The following INPP4B variants were observed in gnomAD, a reference collection of about 807,000 sequenced individuals.
The protein encoded by INPP4B is inositol polyphosphate 4-phosphatase type II.
INPP4B carries 55 observed loss-of-function variants against 122.5 expected under a neutral mutation model. The observed-to-expected ratio is 0.45, with a 90% confidence interval of 0.36 to 0.56. The LOEUF (loss-of-function observed/expected upper bound fraction) is 0.56, where lower values mean the gene tolerates loss of function less well. INPP4B is among the 20% of genes least tolerant of loss of function. The probability of loss-of-function intolerance (pLI) is 0.00; values close to 1 mark genes in which losing one functional copy is unlikely to be tolerated. For synonymous variants in INPP4B, 403 were observed against 388.7 expected (o/e 1.04, Z -0.43); for missense variants, 1,000 against 1,097.7 (o/e 0.91, Z 1.26).
At chr4:142,095,802 T>C (rs1781556701) in intron 23 of INPP4B, among the ~76,000 whole-genome samples, 1 of 152,188 alleles carries the variant, frequency 6.6e-6, no homozygotes, top group Non-Finnish European at 1.5e-5. Context: ...CACGATCAAA[T>C]TTAACTAGAT....
At chr4:142,347,439 G>A in intron 7 of INPP4B, 1 of 416,092 alleles carries the variant, frequency 2.4e-6, no homozygotes, top group Non-Finnish European at 4.7e-6. Flanking sequence ...AGCACTTGAA[G>A]TATTGCATCA....
At chr4:142,777,567 G>A (rs746143950) in intron 1 of INPP4B, among the ~76,000 whole-genome samples, 11 of 152,152 alleles carry the variant, frequency 7.2e-5, no homozygotes, top group Non-Finnish European at 1.0e-4. Flanking sequence ...GGTAGGCCAC[G>A]CCCAACCTCC....
intron 5 of INPP4B, among the ~76,000 whole-genome samples, chr4:142,420,897 G>C (rs1273339049): frequency 6.6e-6 from 1 of 152,148 alleles, no homozygotes; most frequent in African/African-American, 2.4e-5. Context: ...GAAGTTTTGA[G>C]TGTGATAAAG....
chr4:142,145,771 C>G, intron 18 of INPP4B, 69 bp downstream of exon 18: 3 of 1,452,530 alleles, frequency 2.1e-6, no homozygotes, highest in Non-Finnish European at 2.9e-6. Flanking sequence ...TCTTCTATAT[C>G]ATTTTTTTTT....
chr4:142,691,363 A>T (rs766844500), intron 2 of INPP4B, among the ~76,000 whole-genome samples: 8 of 151,502 alleles, frequency 5.3e-5, no homozygotes, highest in African/African-American at 1.2e-4. Context: ...GCTTATCAGG[A>T]CCCACACAAT....
At chr4:142,736,793 T>G (rs979259131) in intron 1 of INPP4B, among the ~76,000 whole-genome samples, 1 of 152,160 alleles carries the variant, frequency 6.6e-6, no homozygotes, top group African/African-American at 2.4e-5. Flanking sequence ...CCTTTATTTC[T>G]TTCTCCTGCC....
chr4:142,538,478 C>T (rs1462548912), intron 2 of INPP4B, among the ~76,000 whole-genome samples: 1 of 152,082 alleles, frequency 6.6e-6, no homozygotes, highest in East Asian at 1.9e-4. Flanking sequence ...AACCTTTATA[C>T]TTCAACCATA....
intron 1 of INPP4B, among the ~76,000 whole-genome samples, chr4:142,749,910 A>C (rs1328708254): frequency 6.6e-6 from 1 of 152,050 alleles, no homozygotes; most frequent in Non-Finnish European, 1.5e-5. Context: ...TCAGAGCCAC[A>C]CAATAATAGA....
intron 2 of INPP4B, among the ~76,000 whole-genome samples, chr4:142,606,304 TTAGA>T (rs1188810149): frequency 6.6e-6 from 1 of 151,904 alleles, no homozygotes; most frequent in East Asian, 1.9e-4. Flanking sequence ...AAACATACAG[TTAGA>T]TAGAAGAAAT....
chr4:142,487,931 A>G (rs1040016879), intron 2 of INPP4B, among the ~76,000 whole-genome samples: 1 of 151,870 alleles, frequency 6.6e-6, no homozygotes, highest in Non-Finnish European at 1.5e-5. Context: ...ATCTTTTTGC[A>G]TTGATTAGGA....
At chr4:142,644,841 G>A (rs1176314131) in intron 2 of INPP4B, among the ~76,000 whole-genome samples, 2 of 138,012 alleles carry the variant, frequency 1.4e-5, no homozygotes, top group African/African-American at 5.4e-5. Flanking sequence ...TGGTGGAAGA[G>A]CTTGCAGTGA....
chr4:142,319,287 A>G lies in INPP4B; in HGVS notation c.373-4525T>C, dbSNP rs986603888. Among the ~76,000 whole-genome samples, 12 of 152,158 alleles carry G rather than the reference A, an allele frequency of 7.9e-5. No homozygotes were observed. In the South Asian group the frequency reaches 2.5e-3, roughly 32 times the overall value. On this transcript the variant is annotated intron_variant, in intron 7 of 25. Transcript: ENST00000262992. ...GAGGAACACCTCTCGGCAGGGATAG[A>G]GCCCAGATGCTCTTCCTAGAAAACT...
chr4:142,525,019 T>G (rs1230524206), intron 2 of INPP4B, among the ~76,000 whole-genome samples: 1 of 151,842 alleles, frequency 6.6e-6, no homozygotes, highest in Non-Finnish European at 1.5e-5. Context: ...CTCCTTAAGC[T>G]GATAAGCAAC....
chr4:142,502,729 C>T (rs905543966), intron 2 of INPP4B, among the ~76,000 whole-genome samples: 2 of 152,104 alleles, frequency 1.3e-5, no homozygotes, highest in African/African-American at 2.4e-5. Context: ...GATCCACCTG[C>T]CCCATTCTCC....
intron 7 of INPP4B, among the ~76,000 whole-genome samples, chr4:142,349,381 C>T (rs1781282234): frequency 6.6e-6 from 1 of 152,006 alleles, no homozygotes; most frequent in Non-Finnish European, 1.5e-5. Flanking sequence ...AGTACTCTCT[C>T]TTTGTAAGTT....
At chr4:142,330,132 T>C (rs1295360780) in intron 7 of INPP4B, among the ~76,000 whole-genome samples, 1 of 152,180 alleles carries the variant, frequency 6.6e-6, no homozygotes, top group South Asian at 2.1e-4. Flanking sequence ...AATATCTTCA[T>C]TGTTACTTAT....
intron 7 of INPP4B, among the ~76,000 whole-genome samples, chr4:142,350,583 T>C (rs1781645814): frequency 2.0e-5 from 3 of 152,012 alleles, no homozygotes; most frequent in Admixed American, 1.3e-4. Flanking sequence ...TCATAAACCA[T>C]TGAGCCTCAA....
intron 1 of INPP4B, among the ~76,000 whole-genome samples, chr4:142,748,782 A>T (rs331959): frequency 1.3e-5 from 2 of 151,842 alleles, no homozygotes; most frequent in Middle Eastern, 3.2e-3. Flanking sequence ...AAAAAGTACA[A>T]GGGGAAAAAA....
chr4:142,369,245 A>G (rs942759283), intron 7 of INPP4B, among the ~76,000 whole-genome samples: 2 of 152,042 alleles, frequency 1.3e-5, no homozygotes, highest in Non-Finnish European at 2.9e-5. Flanking sequence ...GCCTCACCTC[A>G]TTTCTAAGAG....
Sources: allele counts gnomAD v4.1 joint callset (sites outside exome capture counted in the v4.1 genomes callset), GRCh38; gene constraint gnomAD v4.1.1; transcripts MANE v1.5; gene names NCBI Gene and HGNC (gene_info 2026-07-23, HGNC 2026-07-21).